The following ROBO3 variants were observed in gnomAD, a reference collection of about 807,000 sequenced individuals.
ROBO3 encodes the protein roundabout homolog 3.
In ROBO3, 97 loss-of-function variants were observed where a neutral mutation model predicts 160.5. That is an observed-to-expected ratio of 0.60 (90% CI 0.51 to 0.72). The LOEUF is 0.72. Ranked by LOEUF, ROBO3 falls within the 30% of genes least tolerant of loss-of-function variation. ROBO3 has a pLI of 0.00. For synonymous variants in ROBO3, 780 were observed against 746.2 expected (o/e 1.05, Z -0.74); for missense variants, 1,858 against 1,846.5 (o/e 1.01, Z -0.11).
intron 13 of ROBO3, 59 bp from the exon 14 acceptor site, chr11:124,875,052 T>C (rs1946334106): frequency 4.6e-6 from 7 of 1,521,876 alleles, no homozygotes; most frequent in South Asian, 1.2e-5. Flanking sequence ...CTGGATGGCC[T>C]GGAGGGCCTG....
chr11:124,876,388 G>A lies in ROBO3; in HGVS notation c.2707G>A (p.Ala903Thr), dbSNP rs572967242. 2.3e-4 allele frequency: 336 copies of A among 1,450,598 alleles called. No individual in the cohort carries two copies. The highest frequency in any genetic ancestry group is 5.5e-4 in the South Asian group (40 of 72,276). 89.9% of individuals were successfully genotyped at this position (1,450,598 alleles called of 1,614,324 possible). A position where few individuals can be genotyped will look rare whatever the true frequency, so the allele number is the denominator to read the frequency against. ...FLAGSGAACG[A>T]LLLGLCAALY... The stretch of plus-strand genomic sequence containing the variant: ...CGCGGGCAGCGGCGCAGCCTGCGGG[G>A]CGCTGCTTCTCGGGCTCTGCGCCGC... Residue 903 changes from alanine to threonine, a missense_variant, in exon 17 of 28, where the codon GCG (alanine) becomes ACG (threonine). Transcript: ENST00000397801. The surrounding 1 kb of genome is among the most constrained non-coding windows in gnomAD (Gnocchi z 5.3).
rs771466743 is a variant in ROBO3, at chr11:124,876,470, CG to C, written c.2779+12del. Reference sequence around the variant, plus strand: ...CTCAGCCACTACACGGGTGAGCTCCCGGCCTCGGAGCGGACGGATCCGGGAG... The same window carrying C: ...CTCAGCCACTACACGGGTGAGCTCCCGCCTCGGAGCGGACGGATCCGGGAG... On this transcript the variant is annotated intron_variant, in intron 17 of 27. Transcript: ENST00000397801. This position sits in a 1 kb window ranked among gnomAD's most constrained non-coding sequence, Gnocchi z 5.3. 4 of 1,378,962 alleles carry C rather than the reference CG, an allele frequency of 2.9e-6. No homozygotes were observed. Among genetic ancestry groups the C allele is most frequent in the Admixed American group, 6.8e-5 (2 of 29,400 alleles). The allele number at this position is 1,378,962 out of a possible 1,614,324, so 85.4% of individuals were successfully genotyped here.
In ROBO3 at chr11:124,877,995, G is replaced by T. The variant is rs1186425078; in HGVS notation, c.3045G>T (p.Glu1015Asp). Residue 1015 changes from glutamate (E) to aspartate (D), a missense_variant, in exon 21 of 28, where the codon GAG becomes GAT. Transcript: ENST00000397801. ...QTARGTAAPG[E>D]GPVYSTIDPA... ...CCAGGGGCACGGCCGCCCCTGGCGA[G>T]GGTCCTGTCTATAGCACCATTGACC... 6.2e-7 allele frequency: 1 copy of T among 1,611,776 alleles called. No homozygotes were observed. The highest frequency in any genetic ancestry group is 2.2e-5 in the East Asian group (1 of 44,834).
chr11:124,871,215 C>A, intron 7 of ROBO3, 77 bp downstream of exon 7: 1 of 1,489,290 alleles, frequency 6.7e-7, no homozygotes, highest in Non-Finnish European at 9.0e-7. Flanking sequence ...ATTCTGCAAA[C>A]TTCTCTCTGG....
chr11:124,874,818 C>T lies in ROBO3; in HGVS notation c.1982C>T (p.Pro661Leu). 1 of 1,605,638 alleles carries T rather than the reference C, an allele frequency of 6.2e-7. No homozygotes were observed. Among genetic ancestry groups the T allele is most frequent in the Admixed American group, 1.7e-5 (1 of 58,874 alleles). ...AGCCCCTCTAGGCCAGTGGAGGACC[C>T]ATGGAGAGGCCAGCAGGGACTGGCG... ...DSSPSRPVED[P>L]WRGQQGLAEV... Residue 661 changes from proline (P) to leucine (L), a missense_variant, in exon 13 of 28, where the codon CCA becomes CTA. Coordinates refer to ENST00000397801, the MANE Select transcript of ROBO3 (RefSeq NM_022370.4).
At position 124,876,354 on chromosome 11, in the gene ROBO3, C is replaced by A; in HGVS notation, c.2673C>A (p.Pro891=). Residue 891 remains proline, a synonymous_variant, in exon 17 of 28, where the codon CCC becomes CCA. Coordinates refer to ENST00000397801, the MANE Select transcript of ROBO3 (RefSeq NM_022370.4). This position sits in a 1 kb window ranked among gnomAD's most constrained non-coding sequence, Gnocchi z 5.3. ...GGCTGGCGAGGGTGCTGCGGGAGCC[C>A]GCCTTCCTCGCGGGCAGCGGCGCAG... is the stretch of plus-strand genomic sequence containing the variant. ...AVRLARVLRE[P]AFLAGSGAAC... The A allele has an allele frequency of 7.0e-7, 1 of 1,431,504 alleles. No homozygotes were observed. The highest frequency in any genetic ancestry group is 9.1e-7 in the Non-Finnish European group (1 of 1,101,184). The allele number at this position is 1,431,504 out of a possible 1,614,324, so 88.7% of individuals were successfully genotyped here. A position where few individuals can be genotyped will look rare whatever the true frequency, so the allele number is the denominator to read the frequency against.
chr11:124,872,641 A>G lies in ROBO3; in HGVS notation c.1330+89A>G. 3.0e-6 allele frequency: 4 copies of G among 1,324,160 alleles called. No individual in the cohort carries two copies. The highest frequency in any genetic ancestry group is 4.1e-6 in the Non-Finnish European group (4 of 965,146). 82.0% of individuals were successfully genotyped at this position (1,324,160 alleles called of 1,614,324 possible). A position where few individuals can be genotyped will look rare whatever the true frequency, so the allele number is the denominator to read the frequency against. On this transcript the variant is annotated intron_variant, in intron 8 of 27. Coordinates refer to ENST00000397801, the MANE Select transcript of ROBO3 (RefSeq NM_022370.4). The surrounding 1 kb of genome is among the most constrained non-coding windows in gnomAD (Gnocchi z 4.3). ...GTGTTTCTCTTGGAGTCTATATACT[A>G]TGTCTGCAAGAGGAGAGATGTGTTC...
rs774864547 is a variant in ROBO3, at chr11:124,868,887, G to T, written c.246G>T (p.Thr82=). Residue 82 remains threonine, a synonymous_variant, in exon 2 of 28, where the codon ACG becomes ACT. Coordinates refer to ENST00000397801, the MANE Select transcript of ROBO3 (RefSeq NM_022370.4). ...TGGTCTCCCGAGGCGAGCCCGCCAC[G>T]TTGCCCTGCCGCGCTGAAGGCCGAC... ...DLLVSRGEPA[T]LPCRAEGRPR... is the part of the protein sequence containing the mutation. 6.2e-6 allele frequency: 10 copies of T among 1,608,472 alleles called. No individual in the cohort carries two copies. The highest frequency in any genetic ancestry group is 8.5e-6 in the Non-Finnish European group (10 of 1,178,148).
In ROBO3 at chr11:124,866,221, C is replaced by A. The variant is rs530494907; in HGVS notation, c.160+484C>A. Among the ~76,000 whole-genome samples the A allele has an allele frequency of 5.9e-5, 9 of 152,294 alleles. No individual in the cohort carries two copies. The East Asian group carries it at 1.7e-3, about 30-fold the overall frequency. On this transcript the variant is annotated intron_variant, in intron 1 of 27. Coordinates refer to ENST00000397801, the MANE Select transcript of ROBO3 (RefSeq NM_022370.4). ...GCCAAAATGCTGGATGTGTTTGCTA[C>A]GGAGGGGATAGGGGCGGCGATCATT...
chr11:124,869,237 C>T lies in ROBO3; in HGVS notation c.487+109C>T. 3 of 1,277,842 alleles carry T rather than the reference C, an allele frequency of 2.3e-6. No individual in the cohort carries two copies. Among genetic ancestry groups the T allele is most frequent in the South Asian group, 2.8e-5 (2 of 71,058 alleles). 79.2% of individuals were successfully genotyped at this position (1,277,842 alleles called of 1,614,324 possible). On this transcript the variant is annotated intron_variant, in intron 2 of 27. Coordinates refer to ENST00000397801, the MANE Select transcript of ROBO3 (RefSeq NM_022370.4). The surrounding 1 kb of genome is among the most constrained non-coding windows in gnomAD (Gnocchi z 4.2). Reference sequence around the variant, plus strand: ...CCCCAAAGGACTTCAGCCCACTCAGCATCCTTCTTTGGGACCGCGACCTTT... The same window carrying T: ...CCCCAAAGGACTTCAGCCCACTCAGTATCCTTCTTTGGGACCGCGACCTTT...
In ROBO3 at chr11:124,876,789, C is replaced by T. The variant is rs1245185873; in HGVS notation, c.2779+329C>T. The T allele has an allele frequency of 8.3e-6, 4 of 479,720 alleles. No homozygotes were observed. In the South Asian group the frequency reaches 1.3e-4, roughly 16 times the overall value. The allele number at this position is 479,720 out of a possible 1,614,324, so 29.7% of individuals were successfully genotyped here. A position where few individuals can be genotyped will look rare whatever the true frequency, so the allele number is the denominator to read the frequency against. ...TCAAAGGGCGGGGGGCGGGGCCTGG[C>T]AAGAGGGGGTGTGGCCAGGATCCCA... On this transcript the variant is annotated intron_variant, in intron 17 of 27. Coordinates refer to ENST00000397801, the MANE Select transcript of ROBO3 (RefSeq NM_022370.4). The surrounding 1 kb of genome is among the most constrained non-coding windows in gnomAD (Gnocchi z 5.3).
rs1010579509 is a variant in ROBO3 at position 124,869,388 on chromosome 11, T to C, written c.488-62T>C. 12 of 1,410,852 alleles carry C rather than the reference T, an allele frequency of 8.5e-6. No homozygotes were observed. The highest frequency in any genetic ancestry group is 1.2e-5 in the Non-Finnish European group (12 of 1,020,886). 87.4% of individuals were successfully genotyped at this position (1,410,852 alleles called of 1,614,324 possible). On this transcript the variant is annotated intron_variant, in intron 2 of 27. Coordinates refer to ENST00000397801, the MANE Select transcript of ROBO3 (RefSeq NM_022370.4). The surrounding 1 kb of genome is among the most constrained non-coding windows in gnomAD (Gnocchi z 4.2). ...CCTTCCCAAGACAACACTTTCCCTG[T>C]GTCCTCAGCCAGTTATGTCACTCTA...
rs1946255921 is a variant in ROBO3 at position 124,869,857 on chromosome 11, C to T, written c.646-91C>T. 1 of 1,487,034 alleles carries T rather than the reference C, an allele frequency of 6.7e-7. No individual in the cohort carries two copies. Among genetic ancestry groups the T allele is most frequent in the Non-Finnish European group, 9.2e-7 (1 of 1,090,716 alleles). The allele number at this position is 1,487,034 out of a possible 1,614,324, so 92.1% of individuals were successfully genotyped here. On this transcript the variant is annotated intron_variant, in intron 3 of 27. Coordinates refer to ENST00000397801, the MANE Select transcript of ROBO3 (RefSeq NM_022370.4). The surrounding 1 kb of genome is among the most constrained non-coding windows in gnomAD (Gnocchi z 4.2). Reference sequence around the variant, plus strand: ...CAGCTTGCTGTGAGGATCAAATAAACTTTATACATATGTATATACACATAT... The same window carrying T: ...CAGCTTGCTGTGAGGATCAAATAAATTTTATACATATGTATATACACATAT...
At position 124,871,193 on chromosome 11, in the gene ROBO3, C is replaced by G. The variant is rs1946276613; in HGVS notation, c.1158+55C>G. ...TCAGCCTTCCTCTGCGGCTCAGCCTCCCTCCCTCTACATTCTGCAAACTTC... is the reference window on the plus strand; with the variant it reads ...TCAGCCTTCCTCTGCGGCTCAGCCTGCCTCCCTCTACATTCTGCAAACTTC... On this transcript the variant is annotated intron_variant, in intron 7 of 27. Coordinates refer to ENST00000397801, the MANE Select transcript of ROBO3 (RefSeq NM_022370.4). 4 of 1,557,270 alleles carry G rather than the reference C, an allele frequency of 2.6e-6. No individual in the cohort carries two copies. In the South Asian group the frequency reaches 3.5e-5, roughly 14 times the overall value.
chr11:124,872,384 C>G lies in ROBO3; in HGVS notation c.1162C>G (p.Leu388Val), dbSNP rs780907431. ...TGGTTCCTTGCTCTGTCCCCAGGTC[C>G]TGCTTTTCCCCAGTCAGTCACTTCA... ...IFWQKEGSQV[L>V]LFPSQSLQPT... Residue 388 changes from leucine (L) to valine (V), a missense_variant, in exon 8 of 28, where the codon CTG becomes GTG. Transcript: ENST00000397801. This position sits in a 1 kb window ranked among gnomAD's most constrained non-coding sequence, Gnocchi z 4.3. 4 of 1,613,886 alleles carry G rather than the reference C, an allele frequency of 2.5e-6. No individual in the cohort carries two copies. The African/African-American group carries it at 4.0e-5, about 16-fold the overall frequency.
In ROBO3 at chr11:124,874,917, T is replaced by G; in HGVS notation, c.2073+8T>G. 6.2e-7 allele frequency: 1 copy of G among 1,602,852 alleles called. No individual in the cohort carries two copies. The highest frequency in any genetic ancestry group is 1.1e-5 in the South Asian group (1 of 88,818). ...CTGCAGGTGTCCTGGACTGTGAGTGTGGTATGGGGAGGAGATTCAGGGTGG... is the reference window on the plus strand; with the variant it reads ...CTGCAGGTGTCCTGGACTGTGAGTGGGGTATGGGGAGGAGATTCAGGGTGG... On this transcript the variant is annotated splice_region_variant and intron_variant, in intron 13 of 27. Coordinates refer to ENST00000397801, the MANE Select transcript of ROBO3 (RefSeq NM_022370.4).
At position 124,877,524 on chromosome 11, in the gene ROBO3, C is replaced by A; in HGVS notation, c.2852C>A (p.Pro951His). ...GCTCACCTGCTCTCCCTCAGGCCAC[C>A]CATGGGCCTTGGCCCCGCCCCCTAC... ...EGLSGASSRPPMGLGPAPYSW... is the reference protein window; with the variant it reads ...EGLSGASSRPHMGLGPAPYSW... Residue 951 changes from proline (P) to histidine (H), a missense_variant, in exon 20 of 28, where the codon CCC (proline) becomes CAC (histidine). Physicochemically the swap from Pro to His is moderately conservative, Grantham distance 77. Transcript: ENST00000397801. 6.2e-7 allele frequency: 1 copy of A among 1,601,518 alleles called. No homozygotes were observed. Among genetic ancestry groups the A allele is most frequent in the East Asian group, 2.3e-5 (1 of 44,090 alleles).
chr11:124,875,444 G>A lies in ROBO3; in HGVS notation c.2299+108G>A, dbSNP rs1946343914. The A allele has an allele frequency of 2.2e-5, 35 of 1,580,300 alleles. 3 individuals carry two copies. The South Asian group carries it at 4.0e-4, about 18-fold the overall frequency. The stretch of plus-strand genomic sequence containing the variant: ...GGAGGAGAGCAGGGTGAGTGGGTGG[G>A]AAGGAGGAATGGCTCTCAGTTCCCT... On this transcript the variant is annotated intron_variant, in intron 14 of 27. Transcript: ENST00000397801.
chr11:124,868,964 G>T lies in ROBO3; in HGVS notation c.323G>T (p.Arg108Leu), dbSNP rs1324193397. Residue 108 changes from arginine to leucine, a missense_variant, in exon 2 of 28, where the codon CGG becomes CTG. Transcript: ENST00000397801. The stretch of plus-strand genomic sequence containing the variant: ...AACGGGGCGCGTGTGGCCACTGTGC[G>T]GGAGGATCCGCGTGCGCACCGCCTG... Reference protein sequence around the residue: ...YKNGARVATVREDPRAHRLLL... With the variant: ...YKNGARVATVLEDPRAHRLLL... The T allele has an allele frequency of 3.7e-6, 6 of 1,604,496 alleles. No individual in the cohort carries two copies. The Admixed American group carries it at 8.5e-5, about 23-fold the overall frequency.
Sources: gnomAD v4.1 joint callset for allele counts (sites outside exome capture counted in the v4.1 genomes callset) on GRCh38, gnomAD v4.1.1 for gene constraint, Gnocchi (gnomAD v3.1) non-coding constraint, MANE v1.5 for transcripts, NCBI Gene and HGNC (gene_info 2026-07-23, HGNC 2026-07-21) for gene names.